Variants in LAMA4 observed in about 807,000 individuals in gnomAD.
LAMA4 encodes laminin subunit alpha 4.
In LAMA4, 127 loss-of-function variants were observed where a neutral mutation model predicts 207.1. The observed-to-expected ratio is 0.61, with a 90% CI of 0.53 to 0.71. LAMA4 has a LOEUF of 0.71. Ranked by LOEUF, LAMA4 falls within the 30% of genes least tolerant of loss-of-function variation. The pLI is 0.00. For missense variants in LAMA4, 2,093 were observed against 2,246.5 expected, an observed-to-expected ratio of 0.93 and a Z score of 1.38; for synonymous variants, 761 against 816.0, an observed-to-expected ratio of 0.93 and a Z score of 1.15.
intron 24 of LAMA4, 142 bp downstream of exon 24, chr6:112,138,978 G>A: frequency 1.2e-6 from 1 of 813,448 alleles, no homozygotes; most frequent in South Asian, 1.6e-5. Context: ...CTTTCCTGAA[G>A]AAGAAAATCC....
rs528170228 is a variant in LAMA4 at position 112,227,095 on chromosome 6, G to A, written c.196-10626C>T. Reference sequence around the variant, plus strand: ...TTTATTTATTTATTTATATTGAGACGGAGTCTCGCTCTGTTGCCCAGGCTG... The same window carrying A: ...TTTATTTATTTATTTATATTGAGACAGAGTCTCGCTCTGTTGCCCAGGCTG... On this transcript the variant is annotated intron_variant, in intron 2 of 38. Coordinates refer to ENST00000230538, the MANE Select transcript of LAMA4 (RefSeq NM_001105206.3). Among the ~76,000 whole-genome samples, 673 of 140,346 alleles carry A rather than the reference G, an allele frequency of 4.8e-3. 6 individuals carry two copies. Among genetic ancestry groups the A allele is most frequent in the South Asian group, 0.013 (57 of 4,350 alleles). The allele number at this position is 140,346 out of a possible 152,430, so 92.1% of individuals were successfully genotyped here.
At chr6:112,131,140 G>A in intron 28 of LAMA4, 39 bp from the exon 29 acceptor site, 1 of 1,603,808 alleles carries the variant, frequency 6.2e-7, no homozygotes, top group East Asian at 2.2e-5. Flanking sequence ...GGGAGTCTAG[G>A]GATCCAAAAG....
At chr6:112,241,162 A>C (rs1415505730) in intron 2 of LAMA4, among the ~76,000 whole-genome samples, 6 of 55,550 alleles carry the variant, frequency 1.1e-4, no homozygotes, top group African/African-American at 4.0e-4. Context: ...TATATATATG[A>C]ATATATATGA....
At chr6:112,169,877 T>G (rs879952513) in intron 12 of LAMA4, among the ~76,000 whole-genome samples, 5 of 152,240 alleles carry the variant, frequency 3.3e-5, no homozygotes, top group Non-Finnish European at 5.9e-5. Flanking sequence ...CACTGTCCTC[T>G]TGCTTGTTAC....
chr6:112,197,245 T>C (rs1783474198), intron 5 of LAMA4, among the ~76,000 whole-genome samples: 1 of 152,108 alleles, frequency 6.6e-6, no homozygotes, highest in Non-Finnish European at 1.5e-5. Context: ...ACGGGGAGTT[T>C]AAAGTGTGAG....
intron 2 of LAMA4, among the ~76,000 whole-genome samples, chr6:112,241,136 G>T (rs60697308): frequency 0.27 from 16,441 of 61,044 alleles, 3,210 homozygotes; most frequent in South Asian, 0.35. Context: ...TGAATATATA[G>T]GAATATATAT....
intron 14 of LAMA4, 138 bp from the exon 15 acceptor site, chr6:112,155,844 G>T: frequency 1.0e-6 from 1 of 982,598 alleles, no homozygotes; most frequent in Non-Finnish European, 1.6e-6. Flanking sequence ...GTGTGGCAAG[G>T]TTTTCTTGAG....
chr6:112,179,189 T>C (rs1420228272), intron 9 of LAMA4: 1 of 152,098 alleles, frequency 6.6e-6, no homozygotes, highest in East Asian at 1.9e-4. Context: ...GTTTCAGAGA[T>C]CTCACACAGT....
At position 112,185,258 on chromosome 6, in the gene LAMA4, G is replaced by A. The variant is rs1314652109; in HGVS notation, c.1056C>T (p.Asp352=). ...AENTMKSLLS[D]VEELVEKENQ... ...GTACCTTTTCAACTAATTCCTCTAC[G>A]TCAGACAGAAGGCTTTTCATCGTGT... is the stretch of plus-strand genomic sequence containing the variant. The change falls in exon 9 of 39, where the codon GAC becomes GAT. Residue 352 remains aspartate (D), a synonymous_variant. Coordinates refer to ENST00000230538, the MANE Select transcript of LAMA4 (RefSeq NM_001105206.3). 9.3e-6 allele frequency: 15 copies of A among 1,607,546 alleles called. No homozygotes were observed. The highest frequency in any genetic ancestry group is 1.7e-5 in the Admixed American group (1 of 59,990).
intron 2 of LAMA4, among the ~76,000 whole-genome samples, chr6:112,229,076 A>G (rs1554363673): frequency 6.6e-6 from 1 of 152,254 alleles, no homozygotes; most frequent in Non-Finnish European, 1.5e-5. Flanking sequence ...TCAAAGGCTC[A>G]TTGAAAAATG....
chr6:112,203,461 T>A (rs547819564), intron 4 of LAMA4, among the ~76,000 whole-genome samples: 3 of 152,326 alleles, frequency 2.0e-5, no homozygotes, highest in Admixed American at 6.5e-5. Flanking sequence ...AAAGTAGCAA[T>A]ATGAATTTCT....
rs114304820 is a variant in LAMA4, at chr6:112,118,129, T to C, written c.4822-231A>G. On this transcript the variant is annotated intron_variant, in intron 34 of 38. Coordinates refer to ENST00000230538, the MANE Select transcript of LAMA4 (RefSeq NM_001105206.3). This position sits in a 1 kb window ranked among gnomAD's most constrained non-coding sequence, Gnocchi z 4.6. ...CTGTAGTAATTAAGCTATGGACATT[T>C]TTATGTTACACTTTGACACAATAAG... Among the ~76,000 whole-genome samples the C allele has an allele frequency of 3.6e-4, 55 of 152,328 alleles. No homozygotes were observed. Among genetic ancestry groups the C allele is most frequent in the African/African-American group, 1.3e-3 (52 of 41,580 alleles).
At chr6:112,202,909 G>C (rs1273321172) in intron 4 of LAMA4, among the ~76,000 whole-genome samples, 4 of 152,276 alleles carry the variant, frequency 2.6e-5, no homozygotes, top group Admixed American at 2.6e-4. Flanking sequence ...GGAGTCATCC[G>C]CCTGTAGCTG....
intron 14 of LAMA4, chr6:112,158,448 A>T (rs1648471194): frequency 2.4e-6 from 1 of 413,844 alleles, no homozygotes; most frequent in Admixed American, 3.9e-5. Context: ...TCTTCCCGGA[A>T]CACAGACCTT....
chr6:112,188,650 G>T (rs1202779349), intron 7 of LAMA4, among the ~76,000 whole-genome samples: 2 of 152,208 alleles, frequency 1.3e-5, no homozygotes, highest in Non-Finnish European at 2.9e-5. Context: ...GTTCCATTTT[G>T]TAAAGCCTGA....
At chr6:112,235,725 T>C (rs782522255) in intron 2 of LAMA4, among the ~76,000 whole-genome samples, 2 of 152,174 alleles carry the variant, frequency 1.3e-5, no homozygotes, top group Non-Finnish European at 2.9e-5. Flanking sequence ...TTGTTTATTT[T>C]TATGTGACCA....
At chr6:112,197,851 G>A (rs1362154117) in intron 5 of LAMA4, among the ~76,000 whole-genome samples, 1 of 152,160 alleles carries the variant, frequency 6.6e-6, no homozygotes, top group Non-Finnish European at 1.5e-5. Context: ...TTGACAGACT[G>A]TCACCTCTGT....
chr6:112,205,498 C>T (rs535581924), intron 4 of LAMA4, among the ~76,000 whole-genome samples: 4 of 152,256 alleles, frequency 2.6e-5, no homozygotes, highest in African/African-American at 9.6e-5. Flanking sequence ...TCTGAGATCA[C>T]ACAGGTATTA....
At position 112,140,705 on chromosome 6, in the gene LAMA4, A is replaced by G. The variant is rs1554332903; in HGVS notation, c.2976+55T>C. 3 of 1,548,268 alleles carry G rather than the reference A, an allele frequency of 1.9e-6. No homozygotes were observed. The African/African-American group carries it at 4.1e-5, about 21-fold the overall frequency. On this transcript the variant is annotated intron_variant, in intron 22 of 38. Coordinates refer to ENST00000230538, the MANE Select transcript of LAMA4 (RefSeq NM_001105206.3). Reference sequence around the variant, plus strand: ...CAAGTCATTATAGGTTTATGGATTTATAAAAACAATTACTGTAGATTTGTA... The same window carrying G: ...CAAGTCATTATAGGTTTATGGATTTGTAAAAACAATTACTGTAGATTTGTA...
Sources: allele counts gnomAD v4.1 joint callset (sites outside exome capture counted in the v4.1 genomes callset), GRCh38; gene constraint gnomAD v4.1.1; non-coding constraint Gnocchi (gnomAD v3.1); transcripts MANE v1.5; gene names NCBI Gene and HGNC (gene_info 2026-07-23, HGNC 2026-07-21).